TSPAN16: variants seen among roughly 807,000 people sequenced by gnomAD.
TSPAN16 encodes tetraspanin 16.
TSPAN16 carries 23 observed loss-of-function variants against 25.2 expected under a neutral mutation model. The ratio of observed to expected loss-of-function variants is 0.91; its 90% CI spans 0.66 to 1.29. The LOEUF (loss-of-function observed/expected upper bound fraction) is 1.29. Ranked by LOEUF, TSPAN16 falls within the 50% of genes most tolerant of loss-of-function variation. The pLI, the probability that TSPAN16 is intolerant of heterozygous loss-of-function variation, is 0.00. For missense variants in TSPAN16, 272 were observed against 299.9 expected (o/e 0.91, Z 0.69); for synonymous variants, 123 against 124.4 (o/e 0.99, Z 0.08).
downstream of TSPAN16, among the ~76,000 whole-genome samples, chr19:11,318,188 G>A (rs185164913): frequency 2.0e-4 from 31 of 152,022 alleles, no homozygotes; most frequent in East Asian, 4.3e-3. Flanking sequence ...TACCATGCCC[G>A]GCTAATTTTT....
At chr19:11,325,992 G>A (rs1038862624) in intron 6 of TSPAN16, among the ~76,000 whole-genome samples, 7 of 152,028 alleles carry the variant, frequency 4.6e-5, no homozygotes, top group African/African-American at 1.7e-4. Context: ...AGGCCGAGGC[G>A]GGAGGATCAT....
At chr19:11,326,652 G>A (rs1012630533) in intron 6 of TSPAN16, 22 of 541,746 alleles carry the variant, frequency 4.1e-5, no homozygotes, top group Admixed American at 3.1e-4. Context: ...TGCCCAGGCC[G>A]GGGTGTAGTG....
chr19:11,321,200 A>C (rs1447450175), intron 6 of TSPAN16: 3 of 152,044 alleles, frequency 2.0e-5, no homozygotes, highest in Admixed American at 6.6e-5. Flanking sequence ...ACCCAAAAAA[A>C]CATAAGAGGT....
chr19:11,303,318 C>T (rs984669056), intron 4 of TSPAN16, among the ~76,000 whole-genome samples: 4 of 143,782 alleles, frequency 2.8e-5, no homozygotes, highest in Non-Finnish European at 4.5e-5. Context: ...GGATTAAGGG[C>T]GGTGCAAGAT....
intron 5 of TSPAN16, among the ~76,000 whole-genome samples, chr19:11,310,280 C>G (rs1298714992): frequency 6.6e-6 from 1 of 151,750 alleles, no homozygotes; most frequent in Non-Finnish European, 1.5e-5. Flanking sequence ...AGTCCCAGCA[C>G]TTTGGGAGGC....
chr19:11,298,842 C>T (rs773575997), intron 2 of TSPAN16, 30 bp from the exon 3 acceptor site: 3 of 1,607,456 alleles, frequency 1.9e-6, no homozygotes, highest in Admixed American at 1.7e-5. Flanking sequence ...GAGCAGGCTC[C>T]CAGGCCCTCT....
At chr19:11,313,060 GAAAATATCA>G (rs1393743647) in intron 6 of TSPAN16, among the ~76,000 whole-genome samples, 1 of 152,012 alleles carries the variant, frequency 6.6e-6, no homozygotes, top group Non-Finnish European at 1.5e-5. Flanking sequence ...TTCCCACAAA[GAAAATATCA>G]GGCCCAGATA....
At chr19:11,304,610 C>T (rs1451863300) in intron 4 of TSPAN16, among the ~76,000 whole-genome samples, 6 of 151,312 alleles carry the variant, frequency 4.0e-5, no homozygotes, top group East Asian at 3.9e-4. Context: ...CTGCAAGTTC[C>T]GCCTCCCAGG....
chr19:11,302,634 CACACATACATATATATAT>C (rs2080567707), intron 4 of TSPAN16, among the ~76,000 whole-genome samples: 1 of 134,996 alleles, frequency 7.4e-6, no homozygotes, highest in South Asian at 2.2e-4. Context: ...TATATATATA[CACACATACATATATATAT>C]ACACATACAT....
downstream of TSPAN16, among the ~76,000 whole-genome samples, chr19:11,318,490 G>A (rs1342830643): frequency 6.6e-6 from 1 of 151,582 alleles, no homozygotes; most frequent in Non-Finnish European, 1.5e-5. Flanking sequence ...AATTGAACTG[G>A]GCTGTGACGT....
At chr19:11,316,086 G>GGTGT (rs147500274), downstream of TSPAN16, 2,600 of 257,468 alleles carry the variant, frequency 0.01, 43 homozygotes, top group African/African-American at 0.04. Context: ...AATTATTCTT[G>GGTGT]GTGTGTGTGT....
chr19:11,306,989 A>AT (rs1227087088), intron 5 of TSPAN16, among the ~76,000 whole-genome samples: 1 of 150,326 alleles, frequency 6.7e-6, no homozygotes, highest in Non-Finnish European at 1.5e-5. Context: ...CTAATTTTGT[A>AT]TTTTTAGTAG....
Position 11,299,040 on chromosome 19 carries a change from G to A in TSPAN16, c.342+94G>A, listed in dbSNP as rs112095364. ...CACGCCTCTAATCCCAGCATTTTGG[G>A]AGGCTGAGTCTGGTGGATCACCTGA... On this transcript the variant is annotated intron_variant, in intron 3 of 6. Coordinates refer to ENST00000590327, the MANE Select transcript of TSPAN16 (RefSeq NM_001282509.2). The A allele has an allele frequency of 9.8e-4, 1,273 of 1,301,922 alleles. 11 individuals carry two copies. The African/African-American group carries it at 0.016, about 17-fold the overall frequency. 80.6% of individuals were successfully genotyped at this position (1,301,922 alleles called of 1,614,324 possible). A position where few individuals can be genotyped will look rare whatever the true frequency, so the allele number is the denominator to read the frequency against.
At chr19:11,326,775 T>C (rs1196596112) in intron 6 of TSPAN16, 5 of 696,000 alleles carry the variant, frequency 7.2e-6, no homozygotes, top group South Asian at 6.0e-5. Context: ...GGCTAATTTT[T>C]CAATTTTTTC....
chr19:11,296,815 G>A (rs1341952595), intron 1 of TSPAN16, among the ~76,000 whole-genome samples: 2 of 152,220 alleles, frequency 1.3e-5, no homozygotes, highest in Non-Finnish European at 2.9e-5. Context: ...AAGGCGGGTG[G>A]ATCACGAGGT....
chr19:11,321,867 AAT>A (rs922754393), intron 6 of TSPAN16, among the ~76,000 whole-genome samples: 6 of 152,040 alleles, frequency 3.9e-5, no homozygotes, highest in African/African-American at 1.4e-4. Flanking sequence ...AGTTGAGGGA[AAT>A]AGTGTCCTCC....
chr19:11,315,100 G>A (rs1270232065), intron 6 of TSPAN16, among the ~76,000 whole-genome samples: 1 of 151,762 alleles, frequency 6.6e-6, no homozygotes, highest in Non-Finnish European at 1.5e-5. Flanking sequence ...GCCGGGCGTG[G>A]TGCTGGGCGC....
chr19:11,307,456 T>C (rs963445252), intron 5 of TSPAN16, among the ~76,000 whole-genome samples: 1 of 150,294 alleles, frequency 6.7e-6, no homozygotes, highest in Non-Finnish European at 1.5e-5. Flanking sequence ...TCTCACTCTG[T>C]TGCCCAGGCA....
At chr19:11,319,967 A>G (rs1250944260), downstream of TSPAN16, among the ~76,000 whole-genome samples, 1 of 151,820 alleles carries the variant, frequency 6.6e-6, no homozygotes, top group Non-Finnish European at 1.5e-5. Context: ...GGCGCCCGCC[A>G]CCACGCCCGG....
Sources: allele counts gnomAD v4.1 joint callset (sites outside exome capture counted in the v4.1 genomes callset), GRCh38; gene constraint gnomAD v4.1.1; transcripts MANE v1.5; gene names NCBI Gene and HGNC (gene_info 2026-07-23, HGNC 2026-07-21).